Variants in CHLSN observed in about 807,000 individuals in gnomAD.
The protein encoded by CHLSN is protein cholesin.
the CHLSN span, among the ~76,000 whole-genome samples, chr7:1,019,184 ACT>A: frequency 2.8e-5 from 3 of 106,972 alleles, no homozygotes; most frequent in African/African-American, 1.1e-4. Flanking sequence ...ATAGAGTGAG[ACT>A]CTGTCTCAAA....
chr7:1,127,215 G>A, the CHLSN span: 1 of 1,554,618 alleles, frequency 6.4e-7, no homozygotes, highest in Non-Finnish European at 8.6e-7. Context: ...GATAACAGGT[G>A]GATCCCAGAG....
chr7:1,121,638 G>A, the CHLSN span, among the ~76,000 whole-genome samples: 86 of 152,352 alleles, frequency 5.6e-4, no homozygotes, highest in African/African-American at 1.9e-3. Context: ...CCTGTGCCCC[G>A]CGTTCTGGCT....
At chr7:1,012,725 G>A in the CHLSN span, among the ~76,000 whole-genome samples, 148 of 152,358 alleles carry the variant, frequency 9.7e-4, no homozygotes, top group South Asian at 1.2e-3. Context: ...AACAGAAGAC[G>A]CAGGGGCAGC....
chr7:1,111,662 T>C, the CHLSN span, among the ~76,000 whole-genome samples: 3 of 152,150 alleles, frequency 2.0e-5, no homozygotes, highest in African/African-American at 7.2e-5. Flanking sequence ...TAGCTGGGCA[T>C]GGTGATACAT....
At chr7:1,106,544 G>A in the CHLSN span, among the ~76,000 whole-genome samples, 10 of 152,196 alleles carry the variant, frequency 6.6e-5, no homozygotes, top group Non-Finnish European at 1.0e-4. Context: ...CAGCATAGAC[G>A]GATTGACACG....
At chr7:1,124,354 A>C in the CHLSN span, among the ~76,000 whole-genome samples, 1 of 151,600 alleles carries the variant, frequency 6.6e-6, no homozygotes, top group East Asian at 1.9e-4. Context: ...GGAGAGCCAG[A>C]AGCCTCTTGA....
At chr7:1,034,128 A>G in the CHLSN span, among the ~76,000 whole-genome samples, 16,278 of 152,342 alleles carry the variant, frequency 0.11, 1,158 homozygotes, top group Middle Eastern at 0.2. Flanking sequence ...GGAGCTGGCA[A>G]TGGGCTCGCG....
chr7:1,029,963 C>T, the CHLSN span, among the ~76,000 whole-genome samples: 1 of 152,202 alleles, frequency 6.6e-6, no homozygotes, highest in Non-Finnish European at 1.5e-5. Context: ...CTGCCCACTG[C>T]CTGCAGCGGC....
the CHLSN span, among the ~76,000 whole-genome samples, chr7:1,000,777 C>CT: frequency 6.6e-6 from 1 of 152,230 alleles, no homozygotes; most frequent in Non-Finnish European, 1.5e-5. Flanking sequence ...GTGGACGCCA[C>CT]TCTTACCTTG....
At chr7:1,065,002 C>G in the CHLSN span, among the ~76,000 whole-genome samples, 3 of 151,854 alleles carry the variant, frequency 2.0e-5, no homozygotes, top group African/African-American at 7.3e-5. Context: ...GCTGTCCAAC[C>G]CTAATCATCA....
At chr7:990,997 G>A in the CHLSN span, among the ~76,000 whole-genome samples, 2 of 151,836 alleles carry the variant, frequency 1.3e-5, no homozygotes, top group African/African-American at 4.8e-5. Flanking sequence ...CAACTTAGTC[G>A]GCCTCCTGGG....
the CHLSN span, among the ~76,000 whole-genome samples, chr7:986,064 C>T: frequency 6.6e-6 from 1 of 152,214 alleles, no homozygotes; most frequent in Non-Finnish European, 1.5e-5. Context: ...CCGGGGCAGC[C>T]CCAGGGCAGC....
At chr7:995,727 C>T in the CHLSN span, among the ~76,000 whole-genome samples, 2 of 152,274 alleles carry the variant, frequency 1.3e-5, no homozygotes, top group African/African-American at 2.4e-5. Flanking sequence ...TGCTGTGCAA[C>T]GTGCCTTCCT....
the CHLSN span, chr7:1,093,875 A>G: frequency 3.0e-6 from 1 of 334,508 alleles, no homozygotes; most frequent in Non-Finnish European, 6.1e-6. Context: ...GGCATGGGGC[A>G]CTCGGGAGAA....
the CHLSN span, among the ~76,000 whole-genome samples, chr7:1,065,323 A>C: frequency 1.6e-4 from 25 of 152,372 alleles, no homozygotes; most frequent in East Asian, 4.4e-3. Flanking sequence ...ACATTTACCC[A>C]AGAAAAATGG....
At chr7:1,120,685 G>C in the CHLSN span, among the ~76,000 whole-genome samples, 2 of 152,210 alleles carry the variant, frequency 1.3e-5, no homozygotes, top group Non-Finnish European at 1.5e-5. Flanking sequence ...AGATGCAAAT[G>C]TTCACAGCAC....
At chr7:1,070,813 A>G in the CHLSN span, among the ~76,000 whole-genome samples, 2,409 of 89,724 alleles carry the variant, frequency 0.027, 76 homozygotes, top group African/African-American at 0.11. Flanking sequence ...ATGCACACAC[A>G]TCCACACGTG....
chr7:1,104,305 C>T, the CHLSN span, among the ~76,000 whole-genome samples: 2 of 152,202 alleles, frequency 1.3e-5, no homozygotes, highest in African/African-American at 4.8e-5. Context: ...GAGGCTGAGG[C>T]GGGAGGGTTG....
At chr7:1,127,492 AAG>A in the CHLSN span, 27 of 1,112,750 alleles carry the variant, frequency 2.4e-5, no homozygotes, top group South Asian at 3.5e-5. Flanking sequence ...AAAAAAAAAA[AAG>A]AGTATTATGG....
Sources: allele counts gnomAD v4.1 joint callset (sites outside exome capture counted in the v4.1 genomes callset), GRCh38; gene constraint gnomAD v4.1.1; transcripts MANE v1.5; gene names NCBI Gene and HGNC (gene_info 2026-07-23, HGNC 2026-07-21).